ASMT: variants seen among roughly 807,000 people sequenced by gnomAD.
ASMT encodes the protein acetylserotonin N-methyltransferase.
In ASMT, 53 loss-of-function variants were observed where a neutral mutation model predicts 41.3. That is an observed-to-expected ratio of 1.28 (90% confidence interval 1.03 to 1.61). The LOEUF (loss-of-function observed/expected upper bound fraction) is 1.61, where lower values mean the gene tolerates loss of function less well. Among genes scored for constraint, ASMT ranks in the 40% most tolerant of loss-of-function variants. The probability of loss-of-function intolerance (pLI) is 0.00; values close to 1 mark genes in which losing one functional copy is unlikely to be tolerated. For missense variants in ASMT, 531 were observed against 441.3 expected, an observed-to-expected ratio of 1.20 and a Z score of -1.82; for synonymous variants, 231 against 184.8, an observed-to-expected ratio of 1.25 and a Z score of -2.03.
intron 1 of ASMT, among the ~76,000 whole-genome samples, chrX:1,621,820 C>T (rs1477818530): frequency 3.3e-5 from 5 of 151,958 alleles, no homozygotes; most frequent in Admixed American, 2.6e-4. Flanking sequence ...CTCAGCCTCC[C>T]GAGTAGCTGG....
intron 3 of ASMT, 55 bp from the exon 4 acceptor site, chrX:1,627,648 T>TGAAATGAAAC: frequency 1.2e-6 from 1 of 848,604 alleles, no homozygotes; most frequent in Non-Finnish European, 1.7e-6. Flanking sequence ...TGAAATGAAA[T>TGAAATGAAAC]GAAATGAAAT....
At position 1,615,214 on chromosome X, in the gene ASMT, G is replaced by A; in HGVS notation, c.15G>A (p.Glu5=). 6.3e-7 allele frequency: 1 copy of A among 1,596,866 alleles called. No individual in the cohort carries two copies. Among genetic ancestry groups the A allele is most frequent in the Non-Finnish European group, 8.5e-7 (1 of 1,171,902 alleles). MGSS[E]DQAYRLLNDY... ...TTGGAGACAAGATGGGATCCTCAGA[G>A]GACCAGGCCTATCGCCTCCTTAATG... The change falls in exon 1 of 9, where the codon GAG becomes GAA. Residue 5 remains glutamate, a synonymous_variant. Transcript: ENST00000381241.
chrX:1,628,871 C>G (rs1221240700), intron 4 of ASMT, among the ~76,000 whole-genome samples: 2 of 150,726 alleles, frequency 1.3e-5, no homozygotes, highest in African/African-American at 2.4e-5. Context: ...CGTATTTCAC[C>G]TCCTTTTCTC....
intron 3 of ASMT, among the ~76,000 whole-genome samples, chrX:1,625,102 T>TCC (rs1335626581): frequency 8.5e-6 from 1 of 118,122 alleles, no homozygotes; most frequent in Admixed American, 1.0e-4. Context: ...TTCTTTTCTT[T>TCC]TCTTTCTTTT....
intron 1 of ASMT, among the ~76,000 whole-genome samples, chrX:1,619,549 TATAATA>T (rs745727836): frequency 0.025 from 3,308 of 129,800 alleles, 62 homozygotes; most frequent in Non-Finnish European, 0.037. Flanking sequence ...GAACTTAAAG[TATAATA>T]ATAATAATAA....
At chrX:1,618,106 G>C (rs1175663997) in intron 1 of ASMT, among the ~76,000 whole-genome samples, 1 of 152,154 alleles carries the variant, frequency 6.6e-6, no homozygotes, top group East Asian at 1.9e-4. Flanking sequence ...AGCCTCCTGA[G>C]TACCTGGGAT....
chrX:1,632,183 C>T (rs1289689004), intron 5 of ASMT, among the ~76,000 whole-genome samples: 4 of 152,308 alleles, frequency 2.6e-5, no homozygotes, highest in South Asian at 2.1e-4. Flanking sequence ...TTACATCCTT[C>T]TCTTAGCTGT....
chrX:1,635,211 C>T (rs146419310), intron 7 of ASMT, among the ~76,000 whole-genome samples: 2,769 of 148,936 alleles, frequency 0.019, 88 homozygotes, highest in African/African-American at 0.066. Flanking sequence ...GTCTCAATCT[C>T]CTGATCTCGT....
chrX:1,616,167 T>C lies in ASMT; in HGVS notation c.69+899T>C, dbSNP rs745466875. ...CTTCAGCCTCCCGAGTATCTGGGAT[T>C]ACAGGCACCCACCACCACGCCCGGC... On this transcript the variant is annotated intron_variant, in intron 1 of 8. Coordinates refer to ENST00000381241, the MANE Select transcript of ASMT (RefSeq NM_001171038.2). Among the ~76,000 whole-genome samples, 47 of 150,302 alleles carry C rather than the reference T, an allele frequency of 3.1e-4. 1 individual carries two copies. Among genetic ancestry groups the C allele is most frequent in the Non-Finnish European group, 5.2e-4 (35 of 67,742 alleles).
At chrX:1,633,420 CTG>C in intron 7 of ASMT, 130 bp downstream of exon 7, 1 of 1,054,106 alleles carries the variant, frequency 9.5e-7, no homozygotes, top group Non-Finnish European at 1.5e-6. Flanking sequence ...CAACTCAACA[CTG>C]TCTGTTATTC....
chrX:1,617,129 C>T (rs1323646463), intron 1 of ASMT, among the ~76,000 whole-genome samples: 1 of 151,972 alleles, frequency 6.6e-6, no homozygotes, highest in African/African-American at 2.4e-5. Flanking sequence ...GCTATGATTG[C>T]ACCACTGCAC....
rs36011956 is a variant in ASMT at position 1,630,300 on chromosome X, A to ATTTTTTTTTTTTTTTTTTTTTTT, written c.562+362_562+384dup. Among the ~76,000 whole-genome samples the ATTTTTTTTTTTTTTTTTTTTTTT allele has an allele frequency of 2.8e-5, 2 of 71,098 alleles. 1 individual carries two copies. 46.6% of individuals were successfully genotyped at this position (71,098 alleles called of 152,430 possible). On this transcript the variant is annotated intron_variant, in intron 5 of 8. Transcript: ENST00000381241. The stretch of plus-strand genomic sequence containing the variant: ...AGGCACCTGCCACCACACCAGGCTA[A>ATTTTTTTTTTTTTTTTTTTTTTT]TTTTTTTTTTTTTTTTTTTTTTTGA...
intron 2 of ASMT, 189 bp from the exon 3 acceptor site, chrX:1,624,080 C>T (rs1215014286): frequency 4.1e-5 from 10 of 245,304 alleles, no homozygotes; most frequent in African/African-American, 2.3e-5. Context: ...GGGTGCTAGC[C>T]GCCCCAGGTC....
intron 2 of ASMT, among the ~76,000 whole-genome samples, chrX:1,624,038 C>T (rs1336508964): frequency 3.3e-5 from 5 of 152,006 alleles, no homozygotes; most frequent in Non-Finnish European, 5.9e-5. Flanking sequence ...CCCAAACTCC[C>T]GATGGGGATT....
chrX:1,626,973 G>C (rs188513564), intron 3 of ASMT, among the ~76,000 whole-genome samples: 5 of 150,786 alleles, frequency 3.3e-5, no homozygotes, highest in African/African-American at 1.2e-4. Flanking sequence ...AGATTGCAGT[G>C]AGCCAAGATC....
At chrX:1,630,120 C>A (rs1297913041) in intron 5 of ASMT, among the ~76,000 whole-genome samples, 181 bp downstream of exon 5, 1 of 151,760 alleles carries the variant, frequency 6.6e-6, no homozygotes, top group Admixed American at 6.6e-5. Context: ...ATCTCCTCTG[C>A]GAGCACACGT....
intron 4 of ASMT, among the ~76,000 whole-genome samples, chrX:1,629,370 G>A (rs1282047533): frequency 7.2e-5 from 11 of 152,006 alleles, no homozygotes; most frequent in African/African-American, 2.7e-4. Context: ...AGCCCTGTCC[G>A]CCTCTGTGTC....
At position 1,625,460 on chromosome X, in the gene ASMT, C is replaced by T. The variant is rs1346998806; in HGVS notation, c.374+1062C>T. On this transcript the variant is annotated intron_variant, in intron 3 of 8. Transcript: ENST00000381241. ...GCAATGAGCTGATTGTGCCACTGCACTGCAGCCTGGGCAACAGAGCAAAAA... is the reference window on the plus strand; with the variant it reads ...GCAATGAGCTGATTGTGCCACTGCATTGCAGCCTGGGCAACAGAGCAAAAA... Among the ~76,000 whole-genome samples the T allele has an allele frequency of 2.0e-4, 29 of 144,022 alleles. 1 individual carries two copies. The South Asian group carries it at 2.2e-3, about 11-fold the overall frequency. 94.5% of individuals were successfully genotyped at this position (144,022 alleles called of 152,430 possible). A position where few individuals can be genotyped will look rare whatever the true frequency, so the allele number is the denominator to read the frequency against.
At position 1,637,088 on chromosome X, in the gene ASMT, A is replaced by G. The variant is rs61623338; in HGVS notation, c.910+528A>G. ...TGGGCACAGCCTCTGTGTGTGAGATAAGGACTGTGTCCCAGCTCTCCTGTG... is the reference window on the plus strand; with the variant it reads ...TGGGCACAGCCTCTGTGTGTGAGATGAGGACTGTGTCCCAGCTCTCCTGTG... On this transcript the variant is annotated intron_variant, in intron 8 of 8. Coordinates refer to ENST00000381241, the MANE Select transcript of ASMT (RefSeq NM_001171038.2). Among the ~76,000 whole-genome samples, 401 of 87,106 alleles carry G rather than the reference A, an allele frequency of 4.6e-3. 26 individuals carry two copies. Among genetic ancestry groups the G allele is most frequent in the Non-Finnish European group, 6.7e-3 (276 of 41,140 alleles). The allele number at this position is 87,106 out of a possible 152,430, so 57.1% of individuals were successfully genotyped here.
Sources: allele counts gnomAD v4.1 joint callset (sites outside exome capture counted in the v4.1 genomes callset), GRCh38; gene constraint gnomAD v4.1.1; transcripts MANE v1.5; gene names NCBI Gene and HGNC (gene_info 2026-07-23, HGNC 2026-07-21).